Variants in ANKRD44 observed in about 807,000 individuals in gnomAD.
ANKRD44 encodes the protein serine/threonine-protein phosphatase 6 regulatory ankyrin repeat subunit B.
In ANKRD44, 35 loss-of-function variants were observed where a neutral mutation model predicts 116.0. The observed-to-expected ratio is 0.30, with a 90% CI of 0.23 to 0.40. The LOEUF (loss-of-function observed/expected upper bound fraction) is 0.40, where lower values mean the gene tolerates loss of function less well. ANKRD44 is among the 10% of genes least tolerant of loss of function. The pLI is 1.00. For synonymous variants in ANKRD44, 435 were observed against 461.8 expected (o/e 0.94, Z 0.74); for missense variants, 1,014 against 1,242.6 (o/e 0.82, Z 2.77).
At chr2:197,135,558 A>G (rs2079196124) in intron 4 of ANKRD44, 1 of 152,208 alleles carries the variant, frequency 6.6e-6, no homozygotes, top group Admixed American at 6.5e-5. Flanking sequence ...TGTATAAATA[A>G]TTATAGATAA....
chr2:197,116,110 C>A (rs976499088), intron 8 of ANKRD44, among the ~76,000 whole-genome samples: 2 of 152,132 alleles, frequency 1.3e-5, no homozygotes, highest in Admixed American at 6.5e-5. Context: ...GCTGCAAAAA[C>A]CAATGTATCA....
intron 2 of ANKRD44, among the ~76,000 whole-genome samples, chr2:197,154,248 C>T (rs1050171333): frequency 6.3e-5 from 9 of 143,616 alleles, no homozygotes; most frequent in African/African-American, 2.4e-4. Context: ...GGCGCGATCT[C>T]GGCTCACTGC....
chr2:197,045,971 A>G (rs1157817380), intron 16 of ANKRD44, among the ~76,000 whole-genome samples: 1 of 152,220 alleles, frequency 6.6e-6, no homozygotes, highest in Non-Finnish European at 1.5e-5. Context: ...ACCAACCGAC[A>G]TTTCAGTATG....
chr2:197,168,915 C>T (rs907770823), intron 2 of ANKRD44, among the ~76,000 whole-genome samples: 1 of 152,178 alleles, frequency 6.6e-6, no homozygotes, highest in African/African-American at 2.4e-5. Flanking sequence ...CTATGGTCTT[C>T]CTGCTGCTCT....
At chr2:197,226,699 GA>G (rs2081725377) in intron 1 of ANKRD44, among the ~76,000 whole-genome samples, 1 of 152,022 alleles carries the variant, frequency 6.6e-6, no homozygotes, top group African/African-American at 2.4e-5. Context: ...GATGTATAGT[GA>G]GGGTCAGGTA....
chr2:197,079,856 A>G (rs749648173), intron 15 of ANKRD44, among the ~76,000 whole-genome samples: 32 of 152,210 alleles, frequency 2.1e-4, no homozygotes, highest in African/African-American at 5.3e-4. Flanking sequence ...AAAAAAGTCA[A>G]TTACACATAG....
In ANKRD44 at chr2:196,989,082, C is replaced by G; in HGVS notation, c.*509G>C. On this transcript the variant is annotated 3_prime_UTR_variant, in exon 28 of 28. Transcript: ENST00000282272. ...TCTGGAAACCTTAGCAGTGGAAATG[C>G]TAGGTTTGGCCCTTGGGCTTTTGGC... is the stretch of plus-strand genomic sequence containing the variant. The G allele has an allele frequency of 1.0e-6, 1 of 984,920 alleles. No homozygotes were observed. The highest frequency in any genetic ancestry group is 1.2e-6 in the Non-Finnish European group (1 of 829,882). 61.0% of individuals were successfully genotyped at this position (984,920 alleles called of 1,614,324 possible).
At chr2:197,304,547 A>G (rs928788616) in intron 1 of ANKRD44, among the ~76,000 whole-genome samples, 6 of 152,188 alleles carry the variant, frequency 3.9e-5, no homozygotes, top group Admixed American at 2.6e-4. Context: ...TGTGAAGAGC[A>G]TCGGTCTCCA....
intron 18 of ANKRD44, 107 bp from the exon 19 acceptor site, chr2:197,009,138 C>G: frequency 1.1e-6 from 1 of 872,002 alleles, no homozygotes; most frequent in East Asian, 2.7e-5. Context: ...TGTCGCCAGG[C>G]TGGAGTGCAG....
chr2:197,167,884 G>T (rs1281595327), intron 2 of ANKRD44, among the ~76,000 whole-genome samples: 1 of 152,160 alleles, frequency 6.6e-6, no homozygotes, highest in Non-Finnish European at 1.5e-5. Flanking sequence ...TATCCCAGAG[G>T]CAGCATGTTG....
intron 1 of ANKRD44, among the ~76,000 whole-genome samples, chr2:197,277,761 G>C (rs2083133799): frequency 6.6e-6 from 1 of 152,130 alleles, no homozygotes; most frequent in African/African-American, 2.4e-5. Context: ...TCTATCCAAA[G>C]CTTCACTTCC....
At chr2:197,057,703 T>C (rs1459258275) in intron 16 of ANKRD44, among the ~76,000 whole-genome samples, 2 of 152,060 alleles carry the variant, frequency 1.3e-5, no homozygotes, top group East Asian at 3.9e-4. Flanking sequence ...ACAAAATTTT[T>C]AAAAGTTAGC....
chr2:197,028,183 A>C (rs1163595210), intron 16 of ANKRD44, among the ~76,000 whole-genome samples: 2 of 152,146 alleles, frequency 1.3e-5, no homozygotes, highest in African/African-American at 2.4e-5. Context: ...TTACACTTTC[A>C]GATAAATTGT....
intron 1 of ANKRD44, among the ~76,000 whole-genome samples, chr2:197,231,506 C>G (rs2081862105): frequency 6.6e-6 from 1 of 152,148 alleles, no homozygotes; most frequent in Non-Finnish European, 1.5e-5. Context: ...TTCCATGGCT[C>G]TGCCCAACAT....
At chr2:196,991,279 T>C (rs1347538327) in intron 27 of ANKRD44, among the ~76,000 whole-genome samples, 1 of 151,938 alleles carries the variant, frequency 6.6e-6, no homozygotes, top group Non-Finnish European at 1.5e-5. Flanking sequence ...AACAGGACAA[T>C]CAGGAGGATG....
chr2:197,150,738 G>A (rs2079624077), intron 2 of ANKRD44, among the ~76,000 whole-genome samples: 1 of 152,128 alleles, frequency 6.6e-6, no homozygotes, highest in South Asian at 2.1e-4. Context: ...GAGAACCAAA[G>A]CCGCAGGCAC....
At chr2:197,181,744 T>A (rs976346768) in intron 2 of ANKRD44, among the ~76,000 whole-genome samples, 5 of 152,234 alleles carry the variant, frequency 3.3e-5, no homozygotes, top group Non-Finnish European at 7.3e-5. Context: ...ATTCGACTCA[T>A]TGCTTCTCTA....
intron 9 of ANKRD44, among the ~76,000 whole-genome samples, chr2:197,105,703 C>G (rs1196514570): frequency 6.6e-6 from 1 of 152,168 alleles, no homozygotes; most frequent in African/African-American, 2.4e-5. Context: ...TAACTATGAT[C>G]TGAATTTAGA....
intron 16 of ANKRD44, among the ~76,000 whole-genome samples, chr2:197,047,580 G>T (rs553568293): frequency 8.5e-5 from 13 of 152,236 alleles, no homozygotes; most frequent in African/African-American, 2.9e-4. Context: ...CTTAGAGAAA[G>T]ATTTGCAGCA....
Sources: gnomAD v4.1 joint callset for allele counts (sites outside exome capture counted in the v4.1 genomes callset) on GRCh38, gnomAD v4.1.1 for gene constraint, MANE v1.5 for transcripts, NCBI Gene and HGNC (gene_info 2026-07-23, HGNC 2026-07-21) for gene names.